Variants in CCDC178 observed in about 807,000 individuals in gnomAD.
CCDC178 encodes the protein coiled-coil domain-containing protein 178.
CCDC178 carries 126 observed loss-of-function variants against 117.4 expected under a neutral mutation model. That is an observed-to-expected ratio of 1.07 (90% CI 0.93 to 1.24). The LOEUF (loss-of-function observed/expected upper bound fraction) is 1.24. CCDC178 is among the 50% of genes most tolerant of loss of function. The pLI, the probability that CCDC178 is intolerant of heterozygous loss-of-function variation, is 0.00. For missense variants in CCDC178, 1,030 were observed against 986.9 expected (o/e 1.04, Z -0.59); for synonymous variants, 283 against 313.4 (o/e 0.90, Z 1.02).
chr18:33,025,988 T>C (rs1336381121), intron 21 of CCDC178, among the ~76,000 whole-genome samples: 2 of 152,020 alleles, frequency 1.3e-5, no homozygotes, highest in African/African-American at 4.8e-5. Flanking sequence ...AACAAGTGAA[T>C]GGTTAAACAA....
intron 6 of CCDC178, among the ~76,000 whole-genome samples, chr18:33,363,675 C>T (rs1054835933): frequency 1.3e-5 from 2 of 151,890 alleles, no homozygotes; most frequent in Admixed American, 6.6e-5. Flanking sequence ...TATGCAGGAG[C>T]AGTATTTGAC....
intron 20 of CCDC178, among the ~76,000 whole-genome samples, chr18:33,193,422 G>A (rs754936888): frequency 1.3e-4 from 20 of 152,000 alleles, no homozygotes; most frequent in Non-Finnish European, 2.5e-4. Context: ...TAACTGAGTC[G>A]TGCATACCCA....
chr18:33,064,176 A>G (rs2056974490), intron 21 of CCDC178, among the ~76,000 whole-genome samples: 1 of 152,238 alleles, frequency 6.6e-6, no homozygotes, highest in East Asian at 1.9e-4. Flanking sequence ...AATGAACACA[A>G]TAATTCTCCC....
rs28655230 is a variant in CCDC178 at position 32,977,555 on chromosome 18, C to A, written c.2389-2874G>T. 3.5e-3 allele frequency among the ~76,000 whole-genome samples: 533 copies of A among 152,144 alleles called. 5 individuals are homozygous for A. The highest frequency in any genetic ancestry group is 0.012 in the African/African-American group (510 of 41,514). On this transcript the variant is annotated intron_variant, in intron 21 of 22. Coordinates refer to ENST00000383096, the MANE Select transcript of CCDC178 (RefSeq NM_001105528.4). The stretch of plus-strand genomic sequence containing the variant: ...TTTTTAAGACAACAACAAATGGGAG[C>A]CTACCTTGTACAAAAATTGGACAAT...
At chr18:33,066,672 G>A (rs2057022643) in intron 21 of CCDC178, among the ~76,000 whole-genome samples, 1 of 152,190 alleles carries the variant, frequency 6.6e-6, no homozygotes, top group African/African-American at 2.4e-5. Context: ...ATTCCATGCA[G>A]ATCAAAACCG....
intron 11 of CCDC178, among the ~76,000 whole-genome samples, chr18:33,299,081 T>C (rs1337238108): frequency 6.6e-6 from 1 of 152,114 alleles, no homozygotes; most frequent in African/African-American, 2.4e-5. Context: ...CGTATCAGAA[T>C]ACCAATGACA....
At chr18:33,318,201 T>C (rs1013463703) in intron 11 of CCDC178, among the ~76,000 whole-genome samples, 3 of 152,206 alleles carry the variant, frequency 2.0e-5, no homozygotes, top group Admixed American at 6.5e-5. Context: ...CTCAATTCCA[T>C]GGTCTGCACT....
intron 20 of CCDC178, among the ~76,000 whole-genome samples, chr18:33,202,580 G>A (rs271537): frequency 0.16 from 24,441 of 151,922 alleles, 2,751 homozygotes; most frequent in African/African-American, 0.32. Context: ...ATTTGGCATT[G>A]GGCTCTGTGG....
intron 11 of CCDC178, among the ~76,000 whole-genome samples, chr18:33,311,561 G>T (rs1230942042): frequency 6.6e-6 from 1 of 152,164 alleles, no homozygotes; most frequent in Non-Finnish European, 1.5e-5. Flanking sequence ...TAGGAGACTA[G>T]GACCACACCA....
chr18:32,952,224 T>C (rs2054502801), intron 22 of CCDC178, among the ~76,000 whole-genome samples: 1 of 152,220 alleles, frequency 6.6e-6, no homozygotes, highest in Non-Finnish European at 1.5e-5. Context: ...ACTCTGAGTG[T>C]GCTGCAACTT....
rs538475980 is a variant in CCDC178, at chr18:33,379,656, G to A, written c.209-9467C>T. 1.1e-4 allele frequency among the ~76,000 whole-genome samples: 17 copies of A among 152,158 alleles called. No individual in the cohort carries two copies. In the South Asian group the frequency reaches 2.7e-3, roughly 24 times the overall value. ...AAACATCCTCATTCCTAAGTTCTCCGCAAGGTGATGGAGGGTGGCTTAAAC... is the reference window on the plus strand; with the variant it reads ...AAACATCCTCATTCCTAAGTTCTCCACAAGGTGATGGAGGGTGGCTTAAAC... On this transcript the variant is annotated intron_variant, in intron 5 of 22. Coordinates refer to ENST00000383096, the MANE Select transcript of CCDC178 (RefSeq NM_001105528.4).
chr18:33,034,234 C>G (rs200657620), intron 21 of CCDC178, among the ~76,000 whole-genome samples: 3 of 152,052 alleles, frequency 2.0e-5, no homozygotes, highest in East Asian at 3.9e-4. Flanking sequence ...GCATTAGGCT[C>G]TCATTATTTC....
intron 22 of CCDC178, among the ~76,000 whole-genome samples, chr18:32,971,686 T>C (rs2054928773): frequency 6.6e-6 from 1 of 152,184 alleles, no homozygotes; most frequent in South Asian, 2.1e-4. Context: ...CCAGTATCTA[T>C]GGTTTCCTGA....
intron 12 of CCDC178, among the ~76,000 whole-genome samples, chr18:33,276,239 T>C (rs1023427982): frequency 1.3e-5 from 2 of 152,126 alleles, no homozygotes; most frequent in African/African-American, 2.4e-5. Flanking sequence ...AATGAATGCA[T>C]TTCAGTGCAT....
intron 3 of CCDC178, among the ~76,000 whole-genome samples, chr18:33,406,142 C>T (rs72942644): frequency 0.11 from 16,920 of 151,702 alleles, 1,176 homozygotes; most frequent in East Asian, 0.19. Context: ...AAATAATGTA[C>T]AAAATACATA....
chr18:33,182,090 G>A (rs140745359), intron 20 of CCDC178, among the ~76,000 whole-genome samples: 1 of 151,922 alleles, frequency 6.6e-6, no homozygotes, highest in Non-Finnish European at 1.5e-5. Flanking sequence ...GACACATATT[G>A]TTTGAGATTT....
intron 21 of CCDC178, among the ~76,000 whole-genome samples, chr18:33,082,864 A>G (rs2057319378): frequency 6.6e-6 from 1 of 152,018 alleles, no homozygotes; most frequent in East Asian, 1.9e-4. Flanking sequence ...TTCTGATTTC[A>G]TATAATCTTT....
At chr18:33,031,218 T>C (rs1402601804) in intron 21 of CCDC178, among the ~76,000 whole-genome samples, 1 of 152,042 alleles carries the variant, frequency 6.6e-6, no homozygotes, top group Non-Finnish European at 1.5e-5. Flanking sequence ...CTTTAATGAC[T>C]TTTTTACTAC....
At chr18:33,267,768 A>G (rs1207614389) in intron 12 of CCDC178, among the ~76,000 whole-genome samples, 2 of 151,506 alleles carry the variant, frequency 1.3e-5, no homozygotes, top group East Asian at 3.9e-4. Context: ...TATATCTTCA[A>G]CTTTAGATAA....
Sources: gnomAD v4.1 joint callset for allele counts (sites outside exome capture counted in the v4.1 genomes callset) on GRCh38, gnomAD v4.1.1 for gene constraint, MANE v1.5 for transcripts, NCBI Gene and HGNC (gene_info 2026-07-23, HGNC 2026-07-21) for gene names.